Variants in EXOC2 observed in about 807,000 individuals in gnomAD.
EXOC2 encodes exocyst complex component 2.
EXOC2 carries 70 observed loss-of-function variants against 131.8 expected under a neutral mutation model. That is an observed-to-expected ratio of 0.53 (90% CI 0.44 to 0.65). The LOEUF (loss-of-function observed/expected upper bound fraction) is 0.65, where lower values mean the gene tolerates loss of function less well. EXOC2 is among the 30% of genes least tolerant of loss of function. The pLI is 0.00. For synonymous variants in EXOC2, 411 were observed against 398.4 expected, an observed-to-expected ratio of 1.03 and a Z score of -0.38; for missense variants, 923 against 1,108.6, an observed-to-expected ratio of 0.83 and a Z score of 2.38.
chr6:522,678 C>T (rs1045387496), intron 23 of EXOC2, among the ~76,000 whole-genome samples: 16 of 143,516 alleles, frequency 1.1e-4, no homozygotes, highest in Non-Finnish European at 1.8e-4. Flanking sequence ...TGCAGGACAG[C>T]GTGTGGGGGA....
At chr6:681,096 T>C (rs1764384894) in intron 1 of EXOC2, among the ~76,000 whole-genome samples, 1 of 152,236 alleles carries the variant, frequency 6.6e-6, no homozygotes, top group African/African-American at 2.4e-5. Context: ...CTGTGTGCCA[T>C]GCACTGTCTT....
At chr6:691,051 G>A (rs775789669) in intron 1 of EXOC2, among the ~76,000 whole-genome samples, 10 of 152,328 alleles carry the variant, frequency 6.6e-5, no homozygotes, top group Non-Finnish European at 1.0e-4. Flanking sequence ...ATTAAGATGC[G>A]TAAACTGGAG....
At chr6:489,952 GGTGGGGTGTGGGA>G in intron 26 of EXOC2, among the ~76,000 whole-genome samples, 1 of 152,296 alleles carries the variant, frequency 6.6e-6, no homozygotes. Context: ...GGGAGGGCGC[GGTGGGGTGTGGGA>G]CGGGTGGCTT....
intron 27 of EXOC2, among the ~76,000 whole-genome samples, chr6:487,272 G>C (rs936766063): frequency 6.6e-6 from 1 of 152,130 alleles, no homozygotes; most frequent in African/African-American, 2.4e-5. Context: ...GTATTAACAG[G>C]TATTAGAGAG....
chr6:673,500 T>C (rs1763970188), intron 1 of EXOC2, among the ~76,000 whole-genome samples: 1 of 152,098 alleles, frequency 6.6e-6, no homozygotes, highest in Non-Finnish European at 1.5e-5. Flanking sequence ...AGAAAAGATT[T>C]CTATTTCTTG....
intron 4 of EXOC2, 107 bp downstream of exon 4, chr6:629,728 A>G: frequency 7.2e-7 from 1 of 1,391,376 alleles, no homozygotes; most frequent in South Asian, 1.5e-5. Context: ...GGTGTCTTCA[A>G]CTGTGTTTCC....
At chr6:552,253 G>T (rs140738843) in intron 21 of EXOC2, among the ~76,000 whole-genome samples, 1 of 152,232 alleles carries the variant, frequency 6.6e-6, no homozygotes, top group Non-Finnish European at 1.5e-5. Context: ...TAGGCAGGAC[G>T]TCGCTCCCTG....
chr6:492,477 A>C (rs946011263), intron 25 of EXOC2, among the ~76,000 whole-genome samples: 5 of 152,254 alleles, frequency 3.3e-5, no homozygotes, highest in African/African-American at 1.2e-4. Context: ...AGCATTCTGC[A>C]TATTAATCAA....
chr6:692,825 A>ATGG (rs1188635396), intron 1 of EXOC2, among the ~76,000 whole-genome samples, 194 bp downstream of exon 1: 1 of 37,664 alleles, frequency 2.7e-5, no homozygotes, highest in African/African-American at 5.4e-5. Context: ...CAGGCGGCTG[A>ATGG]CGGCGGGGAT....
chr6:580,870 C>T (rs1310907790), intron 11 of EXOC2, among the ~76,000 whole-genome samples: 1 of 152,082 alleles, frequency 6.6e-6, no homozygotes, highest in African/African-American at 2.4e-5. Context: ...ACTGTTCGTA[C>T]AGTTTTGGAC....
intron 7 of EXOC2, among the ~76,000 whole-genome samples, chr6:604,475 C>T (rs906660548): frequency 1.3e-5 from 2 of 152,204 alleles, no homozygotes; most frequent in African/African-American, 2.4e-5. Context: ...CCTCCCTTCT[C>T]GTCCATTCTC....
chr6:606,119 G>T (rs2127654960), intron 7 of EXOC2, among the ~76,000 whole-genome samples: 3 of 152,300 alleles, frequency 2.0e-5, no homozygotes, highest in Admixed American at 2.0e-4. Context: ...CCTTCGTAGG[G>T]ACATGGATGA....
intron 24 of EXOC2, among the ~76,000 whole-genome samples, chr6:498,195 A>G (rs12209271): frequency 0.011 from 1,602 of 152,320 alleles, 9 homozygotes; most frequent in Middle Eastern, 0.044. Context: ...TGAGTGTCCA[A>G]GGAAATTTTT....
At chr6:572,762 C>T (rs1272087119) in intron 12 of EXOC2, 118 bp from the exon 13 acceptor site, 10 of 1,312,094 alleles carry the variant, frequency 7.6e-6, no homozygotes, top group Non-Finnish European at 1.0e-5. Context: ...TAGGAATAGC[C>T]TGAGTCTGCG....
chr6:510,506 C>G (rs924512599), intron 23 of EXOC2, among the ~76,000 whole-genome samples: 1 of 152,094 alleles, frequency 6.6e-6, no homozygotes, highest in Non-Finnish European at 1.5e-5. Flanking sequence ...GAAATGGTTA[C>G]ATGGTTTATT....
chr6:573,435 A>G (rs1758400198), intron 12 of EXOC2, among the ~76,000 whole-genome samples: 3 of 152,096 alleles, frequency 2.0e-5, no homozygotes, highest in African/African-American at 2.4e-5. Context: ...CTCGGTGGCC[A>G]TGGCAGGGGC....
chr6:598,662 G>C (rs1224256532), intron 9 of EXOC2, among the ~76,000 whole-genome samples, 198 bp downstream of exon 9: 2 of 152,194 alleles, frequency 1.3e-5, no homozygotes, highest in Admixed American at 1.3e-4. Context: ...GAACAACCTA[G>C]AGTCGTGGTT....
At chr6:499,540 T>A (rs979653621) in intron 24 of EXOC2, 105 bp downstream of exon 24, 32 of 934,032 alleles carry the variant, frequency 3.4e-5, no homozygotes, top group Middle Eastern at 3.2e-4. Context: ...CAAGACACAT[T>A]CTGAGGGAAA....
At chr6:657,529 AT>A (rs1763190560) in intron 1 of EXOC2, among the ~76,000 whole-genome samples, 1 of 152,210 alleles carries the variant, frequency 6.6e-6, no homozygotes, top group South Asian at 2.1e-4. Flanking sequence ...CATTTGGATG[AT>A]TTCCAATTTT....
Sources: gnomAD v4.1 joint callset for allele counts (sites outside exome capture counted in the v4.1 genomes callset) on GRCh38, gnomAD v4.1.1 for gene constraint, MANE v1.5 for transcripts, NCBI Gene and HGNC (gene_info 2026-07-23, HGNC 2026-07-21) for gene names.